The following KIF21A variants were observed in gnomAD, a reference collection of about 807,000 sequenced individuals.
KIF21A encodes the protein kinesin family member 21A.
A neutral mutation model predicts 202.9 loss-of-function variants in KIF21A; 114 were observed. The ratio of observed to expected loss-of-function variants is 0.56; its 90% CI spans 0.48 to 0.66. The LOEUF (loss-of-function observed/expected upper bound fraction) is 0.66, where lower values mean the gene tolerates loss of function less well. Among genes scored for constraint, KIF21A ranks in the 30% least tolerant of loss-of-function variants. The pLI is 0.00. For missense variants in KIF21A, 1,677 were observed against 1,994.9 expected, an observed-to-expected ratio of 0.84 and a Z score of 3.04; for synonymous variants, 667 against 670.8, an observed-to-expected ratio of 0.99 and a Z score of 0.09.
intron 1 of KIF21A, among the ~76,000 whole-genome samples, chr12:39,416,793 ATATAT>A (rs1953759925): frequency 4.2e-5 from 5 of 119,852 alleles, no homozygotes; most frequent in Non-Finnish European, 8.4e-5. Context: ...ATATGTGTAT[ATATAT>A]GTACATATAT....
intron 1 of KIF21A, among the ~76,000 whole-genome samples, chr12:39,392,830 A>T (rs1951468761): frequency 6.8e-6 from 1 of 147,382 alleles, no homozygotes; most frequent in Non-Finnish European, 1.5e-5. Flanking sequence ...TTAATGAGCC[A>T]TACTAGATGT....
chr12:39,303,754 G>T (rs975371703), intron 35 of KIF21A, among the ~76,000 whole-genome samples: 2 of 152,074 alleles, frequency 1.3e-5, no homozygotes, highest in Non-Finnish European at 2.9e-5. Flanking sequence ...TAACTCTGCA[G>T]TCCCGGAGGT....
rs993278943 is a variant in KIF21A, at chr12:39,309,025, A to C, written c.4277+561T>G. Reference sequence around the variant, plus strand: ...CAGCAAAAAGAATCACTTGTTCTACACTTTTAAAGACAAATACAATAATGA... The same window carrying C: ...CAGCAAAAAGAATCACTTGTTCTACCCTTTTAAAGACAAATACAATAATGA... On this transcript the variant is annotated intron_variant, in intron 33 of 37. Coordinates refer to ENST00000361418, the MANE Select transcript of KIF21A (RefSeq NM_001173464.2). Among the ~76,000 whole-genome samples the C allele has an allele frequency of 3.3e-5, 5 of 152,206 alleles. No individual in the cohort carries two copies. The East Asian group carries it at 9.6e-4, about 29-fold the overall frequency.
At chr12:39,329,268 C>T (rs1313523096) in intron 24 of KIF21A, among the ~76,000 whole-genome samples, 1 of 152,274 alleles carries the variant, frequency 6.6e-6, no homozygotes, top group African/African-American at 2.4e-5. Flanking sequence ...CTGCTTCTGA[C>T]CCTTCAAGCT....
rs370444965 is a variant in KIF21A, at chr12:39,341,661, G to T, written c.1804-39C>A. The T allele has an allele frequency of 4.6e-5, 72 of 1,561,028 alleles. No individual in the cohort carries two copies. In the African/African-American group the frequency reaches 9.5e-4, roughly 21 times the overall value. On this transcript the variant is annotated intron_variant, in intron 13 of 37. Coordinates refer to ENST00000361418, the MANE Select transcript of KIF21A (RefSeq NM_001173464.2). ...TGTAAAAATTAATAGCACAATATTG[G>T]CAAAACAAACTGACTCCCTCATTGA...
chr12:39,436,862 A>T (rs1384789293), intron 1 of KIF21A, among the ~76,000 whole-genome samples: 1 of 152,122 alleles, frequency 6.6e-6, no homozygotes, highest in Admixed American at 6.5e-5. Context: ...TTCCAAAGAG[A>T]AGCAGTGAAA....
intron 1 of KIF21A, among the ~76,000 whole-genome samples, chr12:39,388,688 G>A (rs1337932401): frequency 8.5e-5 from 13 of 152,078 alleles, no homozygotes. Context: ...ACTTACACAT[G>A]CTTATAAAAC....
Position 39,442,028 on chromosome 12 carries a change from A to G in KIF21A, c.44+899T>C, listed in dbSNP as rs1340220104. On this transcript the variant is annotated intron_variant, in intron 1 of 37. Transcript: ENST00000361418. This position sits in a 1 kb window ranked among gnomAD's most constrained non-coding sequence, Gnocchi z 5.0. ...ATGTTGCAATTTTCCATGAGCAACT[A>G]TCAGAGCTTTCCTTCTTGATAAGTA... is the stretch of plus-strand genomic sequence containing the variant. 6.6e-6 allele frequency among the ~76,000 whole-genome samples: 1 copy of G among 152,214 alleles called. No individual in the cohort carries two copies. Among genetic ancestry groups the G allele is most frequent in the Non-Finnish European group, 1.5e-5 (1 of 68,038 alleles).
rs1211955935 is a variant in KIF21A at position 39,304,802 on chromosome 12, GA to G, written c.4560+18del. 4.2e-6 allele frequency: 5 copies of G among 1,183,960 alleles called. No individual in the cohort carries two copies. Among genetic ancestry groups the G allele is most frequent in the Non-Finnish European group, 6.3e-6 (5 of 788,350 alleles). The allele number at this position is 1,183,960 out of a possible 1,614,324, so 73.3% of individuals were successfully genotyped here. ...TCATTTAATAGACAAATATAATTCA[GA>G]AAGTCTCTTATACATACTTTGATGT... On this transcript the variant is annotated intron_variant, in intron 35 of 37. Coordinates refer to ENST00000361418, the MANE Select transcript of KIF21A (RefSeq NM_001173464.2).
At chr12:39,404,521 A>G (rs1169019335) in intron 1 of KIF21A, among the ~76,000 whole-genome samples, 1 of 152,134 alleles carries the variant, frequency 6.6e-6, no homozygotes, top group Non-Finnish European at 1.5e-5. Context: ...ACTCTTTTTC[A>G]TAACTAAAAA....
rs1395671044 is a variant in KIF21A at position 39,416,752 on chromosome 12, C to T, written c.44+26175G>A. Among the ~76,000 whole-genome samples the T allele has an allele frequency of 9.2e-4, 96 of 104,480 alleles. 7 individuals carry two copies. Among genetic ancestry groups the T allele is most frequent in the African/African-American group, 3.4e-3 (85 of 25,264 alleles). The allele number at this position is 104,480 out of a possible 152,430, so 68.5% of individuals were successfully genotyped here. On this transcript the variant is annotated intron_variant, in intron 1 of 37. Coordinates refer to ENST00000361418, the MANE Select transcript of KIF21A (RefSeq NM_001173464.2). ...ATATATATGTGTATATATATATGTACATATATATGTGTATATATATATGTA... is the reference window on the plus strand; with the variant it reads ...ATATATATGTGTATATATATATGTATATATATATGTGTATATATATATGTA...
At chr12:39,366,585 T>C in intron 5 of KIF21A, 68 bp from the exon 6 acceptor site, 1 of 1,208,884 alleles carries the variant, frequency 8.3e-7, no homozygotes, top group Non-Finnish European at 1.2e-6. Context: ...TAACCTACCT[T>C]GCGCTTATCC....
At chr12:39,330,183 A>T in intron 24 of KIF21A, 59 bp downstream of exon 24, 1 of 1,450,826 alleles carries the variant, frequency 6.9e-7, no homozygotes, top group Non-Finnish European at 9.7e-7. Context: ...CAATTAGTGT[A>T]CATGAACAAT....
chr12:39,307,259 A>G (rs1943567187), intron 34 of KIF21A, among the ~76,000 whole-genome samples: 2 of 152,168 alleles, frequency 1.3e-5, no homozygotes, highest in Non-Finnish European at 2.9e-5. Flanking sequence ...TAGGATGAGA[A>G]TCTTGACCTC....
chr12:39,311,379 A>G lies in KIF21A; in HGVS notation c.4096+38T>C, dbSNP rs1446479709. On this transcript the variant is annotated intron_variant, in intron 32 of 37. Transcript: ENST00000361418. ...TAAAAATGTAATTTTTTTTAAAAAA[A>G]AAGCTATTAAATATCTGCATTAGAT... 4 of 1,585,116 alleles carry G rather than the reference A, an allele frequency of 2.5e-6. No homozygotes were observed. The African/African-American group carries it at 4.1e-5, about 16-fold the overall frequency.
At chr12:39,384,082 A>G (rs1950789321) in intron 1 of KIF21A, among the ~76,000 whole-genome samples, 1 of 152,166 alleles carries the variant, frequency 6.6e-6, no homozygotes, top group African/African-American at 2.4e-5. Context: ...GAAGAAAAGT[A>G]TGGTCATGAC....
intron 3 of KIF21A, among the ~76,000 whole-genome samples, chr12:39,369,198 C>G (rs1199786729): frequency 6.6e-6 from 1 of 152,122 alleles, no homozygotes; most frequent in Non-Finnish European, 1.5e-5. Flanking sequence ...TGGGCTCATA[C>G]CTGTAACCCC....
Position 39,303,054 on chromosome 12 carries a change from C to A in KIF21A, c.4642G>T (p.Ala1548Ser). 1 of 1,613,740 alleles carries A rather than the reference C, an allele frequency of 6.2e-7. No individual in the cohort carries two copies. The highest frequency in any genetic ancestry group is 2.2e-5 in the East Asian group (1 of 44,856). Reference sequence around the variant, plus strand: ...AGGTTATCCCCTTGAATGGTTAGTGCTTCTATGCCATCATAATGAGGGGGT... The same window carrying A: ...AGGTTATCCCCTTGAATGGTTAGTGATTCTATGCCATCATAATGAGGGGGT... ...FEPPHYDGIE[A>S]LTIQGDNLFS... The change falls in exon 36 of 38, where the codon GCA (alanine) becomes TCA (serine). Residue 1548 changes from alanine to serine, a missense_variant. Ala to Ser is a moderately conservative substitution (Grantham distance 99). Around this residue, in one of 3 missense-constraint regions of KIF21A, gnomAD observed 705 missense variants for 791.9 expected, o/e 0.89. Transcript: ENST00000361418.
chr12:39,437,726 C>T lies in KIF21A; in HGVS notation c.44+5201G>A, dbSNP rs1207480456. ...GCATTGTACTGCTAGATCTAAGCTC[C>T]ATGAAAGCAAGGACAACATACGTCA... On this transcript the variant is annotated intron_variant, in intron 1 of 37. Transcript: ENST00000361418. 2.0e-5 allele frequency among the ~76,000 whole-genome samples: 3 copies of T among 152,120 alleles called. No individual in the cohort carries two copies. The South Asian group carries it at 6.2e-4, about 32-fold the overall frequency.
Sources: allele counts gnomAD v4.1 joint callset (sites outside exome capture counted in the v4.1 genomes callset), GRCh38; gene constraint gnomAD v4.1.1; regional missense constraint gnomAD v4.1.1; non-coding constraint Gnocchi (gnomAD v3.1); transcripts MANE v1.5; gene names NCBI Gene and HGNC (gene_info 2026-07-23, HGNC 2026-07-21).